Variants in FRMD4A observed in about 807,000 individuals in gnomAD.
FRMD4A encodes FERM domain containing 4A.
A neutral mutation model predicts 129.1 loss-of-function variants in FRMD4A; 29 were observed. The ratio of observed to expected loss-of-function variants is 0.22; its 90% confidence interval spans 0.17 to 0.31. The LOEUF (loss-of-function observed/expected upper bound fraction) is 0.31, where lower values mean the gene tolerates loss of function less well. FRMD4A is among the 10% of genes least tolerant of loss of function. The pLI is 1.00. For synonymous variants in FRMD4A, 634 were observed against 571.6 expected, an observed-to-expected ratio of 1.11 and a Z score of -1.56; for missense variants, 1,272 against 1,375.8, an observed-to-expected ratio of 0.92 and a Z score of 1.19.
chr10:13,951,412 G>T (rs2095369616), intron 2 of FRMD4A, among the ~76,000 whole-genome samples: 2 of 152,068 alleles, frequency 1.3e-5, no homozygotes, highest in African/African-American at 4.8e-5. Context: ...TTTGAATGCA[G>T]ACTCAAAGGA....
At chr10:14,170,493 T>C (rs1212419302) in intron 2 of FRMD4A, among the ~76,000 whole-genome samples, 1 of 152,158 alleles carries the variant, frequency 6.6e-6, no homozygotes, top group Non-Finnish European at 1.5e-5. Context: ...CAGCGCAGGA[T>C]ATGTCTTTGT....
intron 2 of FRMD4A, among the ~76,000 whole-genome samples, chr10:14,184,726 G>A (rs970180097): frequency 1.3e-5 from 2 of 152,136 alleles, no homozygotes; most frequent in African/African-American, 4.8e-5. Context: ...TTCTTTCAAA[G>A]TAGCCCAAAT....
At chr10:14,166,225 T>C (rs1841169188) in intron 2 of FRMD4A, among the ~76,000 whole-genome samples, 7 of 150,744 alleles carry the variant, frequency 4.6e-5, no homozygotes. Flanking sequence ...AAACATGTTA[T>C]AATATATTAA....
chr10:14,106,317 T>C (rs374783645), intron 2 of FRMD4A, among the ~76,000 whole-genome samples: 22 of 152,310 alleles, frequency 1.4e-4, no homozygotes, highest in African/African-American at 5.3e-4. Context: ...TGAAACACTC[T>C]TAGTAGTCAT....
chr10:13,707,398 G>C, intron 12 of FRMD4A: 1 of 1,111,664 alleles, frequency 9.0e-7, no homozygotes, highest in East Asian at 5.2e-5. Context: ...GCCTTTGTTG[G>C]TTTGGTCGTG....
intron 8 of FRMD4A, chr10:13,756,207 T>C (rs2091853831): frequency 3.9e-5 from 6 of 152,210 alleles, no homozygotes; most frequent in Admixed American, 3.9e-4. Flanking sequence ...TAACAAAAAA[T>C]TCTATAGAAC....
chr10:14,316,385 A>T (rs1846738869), intron 2 of FRMD4A, among the ~76,000 whole-genome samples: 1 of 152,058 alleles, frequency 6.6e-6, no homozygotes, highest in South Asian at 2.1e-4. Context: ...GGGATGATGT[A>T]GCAAGAAGGG....
intron 2 of FRMD4A, among the ~76,000 whole-genome samples, chr10:14,236,261 C>G (rs1368289490): frequency 6.6e-6 from 1 of 152,232 alleles, no homozygotes; most frequent in Non-Finnish European, 1.5e-5. Context: ...ACCATCCCAT[C>G]AGTAGAATGC....
intron 2 of FRMD4A, among the ~76,000 whole-genome samples, chr10:14,212,522 G>A (rs182811146): frequency 2.0e-5 from 3 of 152,156 alleles, no homozygotes; most frequent in Admixed American, 6.5e-5. Context: ...TGTGATGTCC[G>A]CTGCCAGCTC....
At chr10:13,799,593 C>T (rs1355575872) in intron 4 of FRMD4A, among the ~76,000 whole-genome samples, 1 of 152,146 alleles carries the variant, frequency 6.6e-6, no homozygotes, top group Non-Finnish European at 1.5e-5. Flanking sequence ...CTGAAAATGC[C>T]CCCAACTCTG....
chr10:14,176,073 G>A (rs1354122336), intron 2 of FRMD4A, among the ~76,000 whole-genome samples: 3 of 152,166 alleles, frequency 2.0e-5, no homozygotes, highest in African/African-American at 7.2e-5. Flanking sequence ...AGTGTTTAGG[G>A]ATCCCTAATA....
chr10:13,979,462 T>C (rs985319709), intron 2 of FRMD4A, among the ~76,000 whole-genome samples: 6 of 152,120 alleles, frequency 3.9e-5, no homozygotes, highest in African/African-American at 1.4e-4. Context: ...TTAGAAAATG[T>C]GTGTCTAGAA....
chr10:14,261,941 A>AACACACACACACACACAC (rs55763234), intron 2 of FRMD4A, among the ~76,000 whole-genome samples: 3 of 128,232 alleles, frequency 2.3e-5, no homozygotes, highest in Non-Finnish European at 3.3e-5. Context: ...CACCACACCA[A>AACACACACACACACACAC]ACACACACAC....
intron 4 of FRMD4A, among the ~76,000 whole-genome samples, chr10:13,804,222 A>G (rs936947762): frequency 1.1e-4 from 17 of 152,236 alleles, no homozygotes; most frequent in Non-Finnish European, 2.5e-4. Flanking sequence ...CTCACTGTCC[A>G]GCAGATAATA....
At chr10:13,887,967 G>A (rs936968509) in intron 2 of FRMD4A, among the ~76,000 whole-genome samples, 1 of 152,202 alleles carries the variant, frequency 6.6e-6, no homozygotes, top group Non-Finnish European at 1.5e-5. Flanking sequence ...CTGCTGTGAA[G>A]AGAATTTTTG....
chr10:14,120,867 T>G (rs568413767), intron 2 of FRMD4A, among the ~76,000 whole-genome samples: 1 of 152,360 alleles, frequency 6.6e-6, no homozygotes, highest in South Asian at 2.1e-4. Flanking sequence ...TCCTGGCTGA[T>G]GTCCCTTCAC....
chr10:14,215,699 A>T (rs1430863195), intron 2 of FRMD4A, among the ~76,000 whole-genome samples: 3 of 152,152 alleles, frequency 2.0e-5, no homozygotes, highest in Non-Finnish European at 4.4e-5. Context: ...GTTCTATTTG[A>T]GGATCTTGGG....
In FRMD4A at chr10:13,654,425, C is replaced by A. The variant is rs138561619; in HGVS notation, c.3041G>T (p.Trp1014Leu). The A allele has an allele frequency of 1.4e-5, 23 of 1,603,342 alleles. No individual in the cohort carries two copies. The highest frequency in any genetic ancestry group is 1.9e-5 in the Non-Finnish European group (22 of 1,170,264). The change falls in exon 23 of 25, where the codon TGG (tryptophan) becomes TTG (leucine). Residue 1014 changes from tryptophan (W) to leucine (L), a missense_variant. Trp to Leu is a moderately conservative substitution (Grantham distance 61). Transcript: ENST00000357447. ...TAGAAGGAGAACTCACCCAGTCTGCCAGGTTAGGATGTGGTGGGGGCTGCT... is the reference window on the plus strand; with the variant it reads ...TAGAAGGAGAACTCACCCAGTCTGCAAGGTTAGGATGTGGTGGGGGCTGCT... ...PPSSPHHILT[W>L]QTGEATENSP...
chr10:14,124,446 C>T (rs189728702), intron 2 of FRMD4A, among the ~76,000 whole-genome samples: 3 of 152,184 alleles, frequency 2.0e-5, no homozygotes, highest in Non-Finnish European at 2.9e-5. Flanking sequence ...GAGGCCGAAG[C>T]GGGTGGATCA....
Sources: gnomAD v4.1 joint callset for allele counts (sites outside exome capture counted in the v4.1 genomes callset) on GRCh38, gnomAD v4.1.1 for gene constraint, MANE v1.5 for transcripts, NCBI Gene and HGNC (gene_info 2026-07-23, HGNC 2026-07-21) for gene names.